CHCHD3: variants seen among roughly 807,000 people sequenced by gnomAD.
The protein encoded by CHCHD3 is coiled-coil-helix-coiled-coil-helix domain containing 3.
Under a neutral mutation model 38.2 loss-of-function variants are expected in CHCHD3, and 20 were observed. The observed-to-expected ratio is 0.52, with a 90% CI of 0.37 to 0.76. CHCHD3 has a LOEUF of 0.76. Ranked by LOEUF, CHCHD3 falls within the 30% of genes least tolerant of loss-of-function variation. CHCHD3 has a pLI of 0.00. For synonymous variants in CHCHD3, 82 were observed against 100.0 expected (o/e 0.82, Z 1.07); for missense variants, 245 against 279.2 (o/e 0.88, Z 0.87).
intron 4 of CHCHD3, among the ~76,000 whole-genome samples, chr7:132,906,323 C>A (rs1053007921): frequency 2.0e-5 from 3 of 151,984 alleles, no homozygotes; most frequent in Non-Finnish European, 4.4e-5. Context: ...TTTTTCTAAC[C>A]GAACAAAAAA....
chr7:132,798,724 CTG>C (rs966385934), intron 6 of CHCHD3, among the ~76,000 whole-genome samples: 19 of 152,066 alleles, frequency 1.2e-4, no homozygotes, highest in African/African-American at 4.6e-4. Flanking sequence ...CGGGAAAAGA[CTG>C]TAAAAATGAG....
At chr7:132,973,269 A>T (rs1226758446) in intron 4 of CHCHD3, 1 of 985,312 alleles carries the variant, frequency 1.0e-6, no homozygotes, top group Non-Finnish European at 1.2e-6. Context: ...CTGGAAACTA[A>T]GAGTTTTGCT....
intron 6 of CHCHD3, among the ~76,000 whole-genome samples, chr7:132,819,764 CAT>C (rs549811327): frequency 9.8e-5 from 15 of 152,324 alleles, no homozygotes; most frequent in African/African-American, 3.1e-4. Flanking sequence ...GGAATTAACA[CAT>C]GAGACAGGTC....
chr7:132,932,058 A>G (rs113858580), intron 4 of CHCHD3, among the ~76,000 whole-genome samples: 1 of 152,180 alleles, frequency 6.6e-6, no homozygotes, highest in Admixed American at 6.5e-5. Context: ...TTTCAGACCC[A>G]CTATGGACAC....
chr7:133,046,776 G>A (rs926369729), intron 2 of CHCHD3, among the ~76,000 whole-genome samples: 5 of 152,138 alleles, frequency 3.3e-5, no homozygotes, highest in African/African-American at 1.2e-4. Context: ...TGTTAGCCAG[G>A]ATGGTCTCAA....
intron 4 of CHCHD3, among the ~76,000 whole-genome samples, chr7:132,892,033 A>G (rs1809375330): frequency 6.6e-6 from 1 of 152,156 alleles, no homozygotes; most frequent in South Asian, 2.1e-4. Flanking sequence ...TCTTTATAGC[A>G]GTGTGAAAAT....
chr7:133,058,854 A>G (rs1158464597), intron 2 of CHCHD3, among the ~76,000 whole-genome samples: 1 of 152,206 alleles, frequency 6.6e-6, no homozygotes, highest in Non-Finnish European at 1.5e-5. Context: ...AGCTAAAGCA[A>G]ATTCTAGAGG....
chr7:133,026,348 A>C (rs1813336415), intron 2 of CHCHD3, among the ~76,000 whole-genome samples: 1 of 152,078 alleles, frequency 6.6e-6, no homozygotes, highest in Non-Finnish European at 1.5e-5. Context: ...TTTCAAACCC[A>C]CCATAATAAA....
At chr7:132,980,772 A>T (rs1811896983) in intron 3 of CHCHD3, among the ~76,000 whole-genome samples, 1 of 152,214 alleles carries the variant, frequency 6.6e-6, no homozygotes, top group African/African-American at 2.4e-5. Flanking sequence ...CAAATTAACT[A>T]CTTATAAAAC....
At chr7:132,989,160 C>T (rs1812203660) in intron 3 of CHCHD3, among the ~76,000 whole-genome samples, 1 of 152,060 alleles carries the variant, frequency 6.6e-6, no homozygotes, top group African/African-American at 2.4e-5. Context: ...ATCCTCCATG[C>T]ATATCAAGTG....
intron 6 of CHCHD3, among the ~76,000 whole-genome samples, chr7:132,809,862 A>G (rs1206019258): frequency 6.6e-6 from 1 of 152,238 alleles, no homozygotes; most frequent in Admixed American, 6.5e-5. Context: ...ATAAGTTTCC[A>G]TAGGAACTAA....
intron 3 of CHCHD3, among the ~76,000 whole-genome samples, chr7:132,975,893 T>C (rs1376230561): frequency 6.7e-6 from 1 of 150,054 alleles, no homozygotes; most frequent in African/African-American, 2.5e-5. Context: ...ATCATGCCAC[T>C]GCATTCTAGC....
chr7:133,079,297 G>T (rs1374611138), intron 1 of CHCHD3, among the ~76,000 whole-genome samples: 2 of 152,188 alleles, frequency 1.3e-5, no homozygotes, highest in African/African-American at 2.4e-5. Flanking sequence ...TATACATTAT[G>T]TCAAATTCTC....
At chr7:132,992,422 A>T (rs1812306786) in intron 3 of CHCHD3, among the ~76,000 whole-genome samples, 1 of 151,980 alleles carries the variant, frequency 6.6e-6, no homozygotes, top group Admixed American at 6.6e-5. Flanking sequence ...CATCCCACAG[A>T]GCCTCTCCTC....
intron 2 of CHCHD3, among the ~76,000 whole-genome samples, chr7:133,060,681 G>T (rs1330750741): frequency 1.3e-5 from 2 of 152,160 alleles, no homozygotes; most frequent in Non-Finnish European, 2.9e-5. Flanking sequence ...GGCCAAGATG[G>T]GTGGATCACC....
In CHCHD3 at chr7:132,973,570, G is replaced by A; in HGVS notation, c.369+1599C>T. ...CACTCAACACATGTACTGTTCTTAG[G>A]GCAGCTGCCAGTCAGTCCACTGACA... On this transcript the variant is annotated intron_variant, in intron 4 of 7. Coordinates refer to ENST00000262570, the MANE Select transcript of CHCHD3 (RefSeq NM_017812.4). 3 of 994,186 alleles carry A rather than the reference G, an allele frequency of 3.0e-6. No individual in the cohort carries two copies. In the South Asian group the frequency reaches 1.3e-4, roughly 45 times the overall value. The allele number at this position is 994,186 out of a possible 1,614,324, so 61.6% of individuals were successfully genotyped here. A position where few individuals can be genotyped will look rare whatever the true frequency, so the allele number is the denominator to read the frequency against.
chr7:132,968,277 G>T (rs117271993), intron 4 of CHCHD3, among the ~76,000 whole-genome samples: 4,670 of 152,248 alleles, frequency 0.031, 91 homozygotes, highest in Middle Eastern at 0.071. Context: ...CCCACCTGTC[G>T]TGAGGGATGC....
chr7:132,939,070 T>C (rs930966476), intron 4 of CHCHD3, among the ~76,000 whole-genome samples: 3 of 152,142 alleles, frequency 2.0e-5, no homozygotes, highest in African/African-American at 7.2e-5. Flanking sequence ...CTTTTAAATA[T>C]AGTTACTCCA....
At chr7:132,953,068 T>C (rs1411730182) in intron 4 of CHCHD3, among the ~76,000 whole-genome samples, 1 of 151,034 alleles carries the variant, frequency 6.6e-6, no homozygotes, top group Non-Finnish European at 1.5e-5. Flanking sequence ...AAGTCCTTCA[T>C]TTATATGTAA....
Sources: allele counts gnomAD v4.1 joint callset (sites outside exome capture counted in the v4.1 genomes callset), GRCh38; gene constraint gnomAD v4.1.1; transcripts MANE v1.5; gene names NCBI Gene and HGNC (gene_info 2026-07-23, HGNC 2026-07-21).